MROH2B: variants seen among roughly 807,000 people sequenced by gnomAD.
MROH2B encodes the protein maestro heat-like repeat-containing protein family member 2B.
Under a neutral mutation model 208.6 loss-of-function variants are expected in MROH2B, and 177 were observed. The ratio of observed to expected loss-of-function variants is 0.85; its 90% CI spans 0.75 to 0.96. The LOEUF is 0.96. Among genes scored for constraint, MROH2B ranks in the 40% least tolerant of loss-of-function variants. MROH2B has a pLI of 0.00. For missense variants in MROH2B, 2,002 were observed against 1,878.7 expected, an observed-to-expected ratio of 1.07 and a Z score of -1.21; for synonymous variants, 728 against 659.0, an observed-to-expected ratio of 1.10 and a Z score of -1.60.
chr5:41,047,899 C>A (rs1216144692), intron 16 of MROH2B, 135 bp from the exon 17 acceptor site: 2 of 729,366 alleles, frequency 2.7e-6, no homozygotes, highest in Non-Finnish European at 4.6e-6. Context: ...TATTTGAGAT[C>A]AAATTTACTA....
At chr5:41,013,195 G>T (rs533210432) in intron 29 of MROH2B, among the ~76,000 whole-genome samples, 127 of 152,290 alleles carry the variant, frequency 8.3e-4, no homozygotes, top group African/African-American at 2.9e-3. Flanking sequence ...ATACTCAGGT[G>T]GTGGACAGTG....
intron 24 of MROH2B, among the ~76,000 whole-genome samples, chr5:41,026,692 A>C (rs1263952144): frequency 2.0e-5 from 3 of 152,196 alleles, no homozygotes; most frequent in Admixed American, 1.3e-4. Flanking sequence ...AGCTACTTTA[A>C]AGTTCATATG....
chr5:41,021,994 A>AT (rs1742165963), intron 24 of MROH2B, among the ~76,000 whole-genome samples: 1 of 152,220 alleles, frequency 6.6e-6, no homozygotes, highest in African/African-American at 2.4e-5. Context: ...GGAAAGGACA[A>AT]TTTTTTAAAA....
Position 41,045,842 on chromosome 5 carries a change from T to C in MROH2B, c.1740A>G (p.Glu580=), listed in dbSNP as rs2150173675. 35 of 1,611,624 alleles carry C rather than the reference T, an allele frequency of 2.2e-5. No homozygotes were observed. Among genetic ancestry groups the C allele is most frequent in the Non-Finnish European group, 3.0e-5 (35 of 1,178,282 alleles). ...CCACATCACTGATCTTCCATAAGGA[T>C]TCTTTGAGCAACTGTTGTAGGAAGT... The part of the protein sequence containing the change: ...WETMLLQLLK[E]SLWKISDVAW... Residue 580 remains glutamate, a synonymous_variant, in exon 18 of 42, where the codon GAA becomes GAG. Coordinates refer to ENST00000399564, the MANE Select transcript of MROH2B (RefSeq NM_173489.5).
chr5:41,069,863 CTCT>C, intron 1 of MROH2B, 111 bp from the exon 2 acceptor site: 1 of 786,584 alleles, frequency 1.3e-6, no homozygotes, highest in Non-Finnish European at 2.1e-6. Flanking sequence ...CTCTCTCTCT[CTCT>C]CCCTTGACTG....
At chr5:41,030,903 G>A (rs1199536629) in intron 24 of MROH2B, among the ~76,000 whole-genome samples, 2 of 151,964 alleles carry the variant, frequency 1.3e-5, no homozygotes, top group Non-Finnish European at 2.9e-5. Flanking sequence ...TATTTATTTT[G>A]CCACAATTAA....
intron 9 of MROH2B, 105 bp from the exon 10 acceptor site, chr5:41,055,960 T>G (rs910279892): frequency 5.3e-6 from 4 of 760,528 alleles, no homozygotes; most frequent in Non-Finnish European, 9.0e-6. Flanking sequence ...CAAGGCACTC[T>G]TCAGTTGGTA....
intron 21 of MROH2B, among the ~76,000 whole-genome samples, chr5:41,037,419 T>C (rs569537431): frequency 3.3e-5 from 5 of 152,310 alleles, no homozygotes; most frequent in Admixed American, 1.3e-4. Context: ...ATGTTGAAAA[T>C]GCAAATTCAG....
chr5:40,999,016 T>C (rs574712933), intron 40 of MROH2B, among the ~76,000 whole-genome samples: 1 of 152,228 alleles, frequency 6.6e-6, no homozygotes, highest in Non-Finnish European at 1.5e-5. Flanking sequence ...ATCATATGTA[T>C]GATTCAAGAA....
At chr5:41,028,206 G>T (rs553151424) in intron 24 of MROH2B, among the ~76,000 whole-genome samples, 1 of 152,140 alleles carries the variant, frequency 6.6e-6, no homozygotes, top group East Asian at 1.9e-4. Context: ...GATATACGTA[G>T]TAAAAGGTTA....
At chr5:41,041,900 G>A (rs1742965772) in intron 19 of MROH2B, among the ~76,000 whole-genome samples, 192 bp downstream of exon 19, 1 of 152,128 alleles carries the variant, frequency 6.6e-6, no homozygotes, top group South Asian at 2.1e-4. Flanking sequence ...CATAAACTTG[G>A]TTAAAAATGA....
intron 30 of MROH2B, among the ~76,000 whole-genome samples, chr5:41,010,706 T>A (rs1561277704): frequency 2.0e-5 from 3 of 152,220 alleles, no homozygotes; most frequent in Non-Finnish European, 4.4e-5. Flanking sequence ...CATGTCATTA[T>A]ACATTTGTCA....
rs1253623273 is a variant in MROH2B, at chr5:41,052,607, A to G, written c.1108-20T>C. On this transcript the variant is annotated intron_variant, in intron 11 of 41. Transcript: ENST00000399564. ...TCTTACCTAGGGTAAGAACAATGCAATAGCAACATTTTACTATGTTTTGCA... is the reference window on the plus strand; with the variant it reads ...TCTTACCTAGGGTAAGAACAATGCAGTAGCAACATTTTACTATGTTTTGCA... 1 of 1,587,180 alleles carries G rather than the reference A, an allele frequency of 6.3e-7. No homozygotes were observed. Among genetic ancestry groups the G allele is most frequent in the Non-Finnish European group, 8.6e-7 (1 of 1,164,922 alleles).
intron 21 of MROH2B, 111 bp from the exon 22 acceptor site, chr5:41,033,975 G>T: frequency 6.8e-7 from 1 of 1,463,438 alleles, no homozygotes; most frequent in African/African-American, 1.4e-5. Context: ...TAAAGCAGGA[G>T]GTAGAGCCTT....
chr5:41,065,227 A>G, intron 4 of MROH2B, 104 bp downstream of exon 4: 1 of 1,139,978 alleles, frequency 8.8e-7, no homozygotes, highest in Non-Finnish European at 1.2e-6. Flanking sequence ...TTGGTACAGA[A>G]GAAGGCAGAG....
intron 15 of MROH2B, 85 bp from the exon 16 acceptor site, chr5:41,048,550 T>G: frequency 7.3e-7 from 1 of 1,364,414 alleles, no homozygotes; most frequent in Non-Finnish European, 9.7e-7. Context: ...ATTGTTCCAA[T>G]TCCTTTGATT....
chr5:41,038,682 C>T (rs1742842411), intron 21 of MROH2B, 54 bp downstream of exon 21: 3 of 1,533,658 alleles, frequency 2.0e-6, no homozygotes, highest in Middle Eastern at 2.4e-4. Context: ...TGAGCCCCTG[C>T]AAGTTTTAGG....
At chr5:41,021,633 T>C (rs1441544643) in intron 24 of MROH2B, among the ~76,000 whole-genome samples, 1 of 151,956 alleles carries the variant, frequency 6.6e-6, no homozygotes, top group African/African-American at 2.4e-5. Context: ...ATCCCAGCAT[T>C]TTGGGAGGCT....
At chr5:41,045,163 G>T (rs1461121497) in intron 18 of MROH2B, among the ~76,000 whole-genome samples, 1 of 152,156 alleles carries the variant, frequency 6.6e-6, no homozygotes, top group Non-Finnish European at 1.5e-5. Context: ...ACATGGAAAG[G>T]AATAATGTTT....
Sources: gnomAD v4.1 joint callset for allele counts (sites outside exome capture counted in the v4.1 genomes callset) on GRCh38, gnomAD v4.1.1 for gene constraint, MANE v1.5 for transcripts, NCBI Gene and HGNC (gene_info 2026-07-23, HGNC 2026-07-21) for gene names.